Variants in IKZF3 observed in about 807,000 individuals in gnomAD.
IKZF3 encodes the protein zinc finger protein Aiolos.
Under a neutral mutation model 49.0 loss-of-function variants are expected in IKZF3, and 10 were observed. The observed-to-expected ratio is 0.20, with a 90% CI of 0.13 to 0.35. The LOEUF (loss-of-function observed/expected upper bound fraction) is 0.35. Among genes scored for constraint, IKZF3 ranks in the 10% least tolerant of loss-of-function variants. IKZF3 has a pLI of 1.00. For synonymous variants in IKZF3, 209 were observed against 228.2 expected (o/e 0.92, Z 0.76); for missense variants, 498 against 664.8 (o/e 0.75, Z 2.76).
intron 7 of IKZF3, among the ~76,000 whole-genome samples, chr17:39,773,882 A>G (rs1409927047): frequency 6.6e-6 from 1 of 152,212 alleles, no homozygotes; most frequent in Non-Finnish European, 1.5e-5. Flanking sequence ...TCCTTTGAAA[A>G]GAACAACTTA....
chr17:39,820,550 G>A (rs2061783309), intron 3 of IKZF3, among the ~76,000 whole-genome samples: 1 of 152,154 alleles, frequency 6.6e-6, no homozygotes, highest in African/African-American at 2.4e-5. Context: ...CCTGCTCCCA[G>A]GATCAAGCAC....
chr17:39,791,409 C>A lies in IKZF3; in HGVS notation c.592+7G>T. On this transcript the variant is annotated splice_region_variant and intron_variant, in intron 5 of 7. Transcript: ENST00000346872. ...CTAGACAAGGAATGCTCATTTCTCT[C>A]ACTTACCAGAATGTGTCCTAAGATG... The A allele has an allele frequency of 6.2e-7, 1 of 1,613,616 alleles. No homozygotes were observed. Among genetic ancestry groups the A allele is most frequent in the South Asian group, 1.1e-5 (1 of 91,006 alleles).
rs1339285080 is a variant in IKZF3, at chr17:39,766,413, T to C, written c.907A>G (p.Met303Val). ...EKESELIQTRMMDQAINNAIS... is the reference protein window; with the variant it reads ...EKESELIQTRVMDQAINNAIS... ...GCGTTATTGATGGCTTGGTCCATCA[T>C]GCGGGTCTGTATGAGCTCACTCTCT... is the stretch of plus-strand genomic sequence containing the variant. Residue 303 changes from methionine (M) to valine (V), a missense_variant, in exon 8 of 8, where the codon ATG becomes GTG. By Grantham distance (21) the Met-to-Val change is conservative. Around this residue, in one of 3 missense-constraint regions of IKZF3, gnomAD observed 317 missense variants for 397.3 expected, o/e 0.80. Transcript: ENST00000346872. 6.2e-7 allele frequency: 1 copy of C among 1,614,066 alleles called. No homozygotes were observed. The highest frequency in any genetic ancestry group is 1.3e-5 in the African/African-American group (1 of 74,940).
chr17:39,766,245 G>T lies in IKZF3; in HGVS notation c.1075C>A (p.Leu359Met). ...GGAAGGTGGATGCTTTTCTTTTCCAGCTCTTGAGGGGCACCGTTTGACATC... is the reference window on the plus strand; with the variant it reads ...GGAAGGTGGATGCTTTTCTTTTCCATCTCTTGAGGGGCACCGTTTGACATC... ...AEMSNGAPQELEKKSIHLPEK... is the reference protein window; with the variant it reads ...AEMSNGAPQEMEKKSIHLPEK... Residue 359 changes from leucine to methionine, a missense_variant, in exon 8 of 8, where the codon CTG (leucine) becomes ATG (methionine). Leu to Met is a conservative substitution (Grantham distance 15, BLOSUM62 2). This residue lies in a region of IKZF3 where 317 missense variants were observed against 397.3 expected (regional missense o/e 0.80). Coordinates refer to ENST00000346872, the MANE Select transcript of IKZF3 (RefSeq NM_012481.5). The T allele has an allele frequency of 6.2e-7, 1 of 1,614,160 alleles. No homozygotes were observed. Among genetic ancestry groups the T allele is most frequent in the Non-Finnish European group, 8.5e-7 (1 of 1,180,034 alleles).
intron 3 of IKZF3, among the ~76,000 whole-genome samples, chr17:39,797,793 C>T (rs889088274): frequency 2.6e-5 from 4 of 152,056 alleles, no homozygotes; most frequent in African/African-American, 9.7e-5. Flanking sequence ...CTTCTTGCCC[C>T]TTTTCTTCCC....
At chr17:39,807,202 G>T (rs765713434) in intron 3 of IKZF3, among the ~76,000 whole-genome samples, 1 of 152,038 alleles carries the variant, frequency 6.6e-6, no homozygotes, top group South Asian at 2.1e-4. Flanking sequence ...ACTAATATAG[G>T]GGTAGTTTCT....
At chr17:39,794,892 T>C (rs894316695) in intron 3 of IKZF3, among the ~76,000 whole-genome samples, 1 of 152,272 alleles carries the variant, frequency 6.6e-6, no homozygotes, top group Admixed American at 6.5e-5. Context: ...CACCAAAGCT[T>C]GAGTGCTCTT....
chr17:39,835,089 C>G, intron 1 of IKZF3: 1 of 437,226 alleles, frequency 2.3e-6, no homozygotes, highest in South Asian at 1.7e-5. Flanking sequence ...AGAGCCAAAG[C>G]TGGATCCCAA....
intron 1 of IKZF3, among the ~76,000 whole-genome samples, chr17:39,849,673 A>G (rs1304371229): frequency 2.0e-5 from 3 of 152,066 alleles, no homozygotes; most frequent in Non-Finnish European, 4.4e-5. Context: ...CAAAACAAAC[A>G]AACAAAAAAA....
At chr17:39,771,622 T>C (rs1277437997) in intron 7 of IKZF3, among the ~76,000 whole-genome samples, 2 of 146,346 alleles carry the variant, frequency 1.4e-5, no homozygotes, top group East Asian at 3.8e-4. Context: ...GTAGTGACGG[T>C]GGTGGAGACA....
At chr17:39,802,760 G>A (rs1201926909) in intron 3 of IKZF3, among the ~76,000 whole-genome samples, 2 of 151,162 alleles carry the variant, frequency 1.3e-5, no homozygotes, top group African/African-American at 4.9e-5. Flanking sequence ...GGTCCAGGCT[G>A]CAGTGAGCTG....
In IKZF3 at chr17:39,779,646, G is replaced by GTTTTTTTTTTTTTT. The variant is rs138812490; in HGVS notation, c.710-1880_710-1879insAAAAAAAAAAAAAA. Among the ~76,000 whole-genome samples the GTTTTTTTTTTTTTT allele has an allele frequency of 2.0e-4, 23 of 117,816 alleles. 3 individuals are homozygous for GTTTTTTTTTTTTTT. Among genetic ancestry groups the GTTTTTTTTTTTTTT allele is most frequent in the Non-Finnish European group, 1.7e-4 (10 of 57,562 alleles). 77.3% of individuals were successfully genotyped at this position (117,816 alleles called of 152,430 possible). A position where few individuals can be genotyped will look rare whatever the true frequency, so the allele number is the denominator to read the frequency against. On this transcript the variant is annotated intron_variant, in intron 6 of 7. Coordinates refer to ENST00000346872, the MANE Select transcript of IKZF3 (RefSeq NM_012481.5). Reference sequence around the variant, plus strand: ...ATATAGTCTCTATGTTATATTCTTTGTTTTTTGTTTTTTTTTTTTCTGTTC... The same window carrying GTTTTTTTTTTTTTT: ...ATATAGTCTCTATGTTATATTCTTTGTTTTTTTTTTTTTTTTTTTTGTTTTTTTTTTTTCTGTTC...
chr17:39,836,959 G>A (rs544303511), intron 1 of IKZF3, among the ~76,000 whole-genome samples: 1 of 152,018 alleles, frequency 6.6e-6, no homozygotes, highest in Non-Finnish European at 1.5e-5. Context: ...TTGAGATAGG[G>A]TCTCACTGTG....
Position 39,864,228 on chromosome 17 carries a change from G to C in IKZF3, c.-102C>G. The C allele has an allele frequency of 7.3e-7, 1 of 1,372,620 alleles. No individual in the cohort carries two copies. The highest frequency in any genetic ancestry group is 1.3e-5 in the South Asian group (1 of 76,294). The allele number at this position is 1,372,620 out of a possible 1,614,324, so 85.0% of individuals were successfully genotyped here. On this transcript the variant is annotated 5_prime_UTR_variant, in exon 1 of 8. Transcript: ENST00000346872. ...AGCGCGCAGCTGGCGGGAGATTCCC[G>C]GCGCGGGGAGTCCCCGGGATCCGGC... is the stretch of plus-strand genomic sequence containing the variant.
In IKZF3 at chr17:39,803,514, C is replaced by CTT. The variant is rs72220610; in HGVS notation, c.164-10583_164-10582dup. On this transcript the variant is annotated intron_variant, in intron 3 of 7. Transcript: ENST00000346872. ...CCCTTGCATAGAATATTCACTCTAT[C>CTT]TTTTTTTTTTTTTTTTGAGACAGAG... Among the ~76,000 whole-genome samples the CTT allele has an allele frequency of 3.4e-3, 486 of 141,412 alleles. 7 individuals carry two copies. The highest frequency in any genetic ancestry group is 0.012 in the African/African-American group (459 of 38,558). 92.8% of individuals were successfully genotyped at this position (141,412 alleles called of 152,430 possible).
intron 3 of IKZF3, among the ~76,000 whole-genome samples, chr17:39,802,848 A>G (rs1478660873): frequency 1.3e-5 from 2 of 151,568 alleles, no homozygotes; most frequent in Non-Finnish European, 2.9e-5. Flanking sequence ...AAAAGAATCT[A>G]AACTGGCCAT....
At chr17:39,838,646 T>G (rs2062374452) in intron 1 of IKZF3, among the ~76,000 whole-genome samples, 1 of 152,210 alleles carries the variant, frequency 6.6e-6, no homozygotes, top group African/African-American at 2.4e-5. Flanking sequence ...AGTTCTTGTC[T>G]GCCAGTTCCA....
At chr17:39,828,748 C>T (rs2062024158) in intron 3 of IKZF3, among the ~76,000 whole-genome samples, 2 of 152,086 alleles carry the variant, frequency 1.3e-5, no homozygotes, top group African/African-American at 2.4e-5. Flanking sequence ...CCTGTAATCC[C>T]AGGACTTTGG....
intron 3 of IKZF3, among the ~76,000 whole-genome samples, chr17:39,800,300 A>G (rs1243991396): frequency 1.3e-5 from 2 of 152,162 alleles, no homozygotes; most frequent in African/African-American, 2.4e-5. Context: ...GTGAAAGTTT[A>G]TTTCTTAAGT....
Sources: gnomAD v4.1 joint callset for allele counts (sites outside exome capture counted in the v4.1 genomes callset) on GRCh38, gnomAD v4.1.1 for gene constraint, gnomAD v4.1.1 regional missense constraint, MANE v1.5 for transcripts, NCBI Gene and HGNC (gene_info 2026-07-23, HGNC 2026-07-21) for gene names.